The following ANK2 variants were observed in gnomAD, a reference collection of about 807,000 sequenced individuals.
ANK2 encodes ankyrin-2.
In ANK2, 83 loss-of-function variants were observed where a neutral mutation model predicts 360.5. The ratio of observed to expected loss-of-function variants is 0.23; its 90% CI spans 0.19 to 0.28. The LOEUF (loss-of-function observed/expected upper bound fraction) is 0.28, where lower values mean the gene tolerates loss of function less well. Among genes scored for constraint, ANK2 ranks in the 10% least tolerant of loss-of-function variants. The pLI is 1.00. For synonymous variants in ANK2, 1,740 were observed against 1,759.5 expected (o/e 0.99, Z 0.28); for missense variants, 4,201 against 4,795.7 (o/e 0.88, Z 3.66).
chr4:113,014,461 G>T (rs532410706), intron 2 of ANK2, among the ~76,000 whole-genome samples: 1 of 151,952 alleles, frequency 6.6e-6, no homozygotes. Flanking sequence ...CTCACCCAAG[G>T]TTGCATGACT....
At chr4:112,907,692 T>C (rs2085717759) in intron 2 of ANK2, among the ~76,000 whole-genome samples, 1 of 152,176 alleles carries the variant, frequency 6.6e-6, no homozygotes, top group Non-Finnish European at 1.5e-5. Context: ...AATAGGCAGG[T>C]TAGTATCTAC....
intron 41 of ANK2, 39 bp from the exon 42 acceptor site, chr4:113,367,527 G>A: frequency 6.3e-7 from 1 of 1,595,344 alleles, no homozygotes; most frequent in Non-Finnish European, 8.6e-7. Context: ...TTCAATATAG[G>A]TAAGCTTCAA....
chr4:113,240,710 T>C (rs1348790918), intron 8 of ANK2, 127 bp downstream of exon 8: 7 of 786,330 alleles, frequency 8.9e-6, no homozygotes, highest in South Asian at 3.2e-5. Context: ...GTGCTGGAGA[T>C]ACTAGATTTT....
chr4:113,116,110 T>C (rs1200352600), intron 1 of ANK2, among the ~76,000 whole-genome samples: 9 of 152,126 alleles, frequency 5.9e-5, no homozygotes, highest in East Asian at 3.9e-4. Context: ...ACAGCTTGTA[T>C]CCTCTTTCCT....
chr4:112,740,623 G>A, the ANK2 span, among the ~76,000 whole-genome samples: 2 of 151,960 alleles, frequency 1.3e-5, no homozygotes, highest in Non-Finnish European at 2.9e-5. Context: ...AGAATTGCTT[G>A]AACCCAGGAG....
intron 1 of ANK2, among the ~76,000 whole-genome samples, chr4:112,836,311 C>T (rs1396930168): frequency 1.3e-5 from 2 of 152,102 alleles, no homozygotes; most frequent in Non-Finnish European, 2.9e-5. Context: ...CCTGAGGCTT[C>T]CCCAGCCATA....
intron 9 of ANK2, among the ~76,000 whole-genome samples, chr4:113,245,611 G>A (rs1053083246): frequency 6.6e-5 from 10 of 152,074 alleles, no homozygotes; most frequent in Admixed American, 5.2e-4. Flanking sequence ...CACAAAAATA[G>A]CATGAGGGTA....
In ANK2 at chr4:113,229,573, G is replaced by A. The variant is rs151045104; in HGVS notation, c.385-2588G>A. ...GGGCCATCATTCTGCCTCCCAAAGG[G>A]TGTGCCTACCAATGGACACTTGAGA... is the stretch of plus-strand genomic sequence containing the variant. On this transcript the variant is annotated intron_variant, in intron 4 of 45. Transcript: ENST00000357077. 2.0e-4 allele frequency among the ~76,000 whole-genome samples: 30 copies of A among 152,286 alleles called. No homozygotes were observed. In the East Asian group the frequency reaches 5.6e-3, roughly 28 times the overall value.
At chr4:112,819,524 CT>C (rs111866514) in intron 1 of ANK2, among the ~76,000 whole-genome samples, 62 of 150,824 alleles carry the variant, frequency 4.1e-4, no homozygotes, top group African/African-American at 1.3e-3. Flanking sequence ...GAGTTTTGTC[CT>C]TTTTTTTTAG....
rs751992073 is a variant in ANK2 at position 113,288,356 on chromosome 4, A to T, written c.2179-32A>T. On this transcript the variant is annotated intron_variant, in intron 19 of 45. Transcript: ENST00000357077. ...ACTAGAGTAGTAAAGTTTCTACTTT[A>T]TCTATTTTTAACTTTTTATTATTAT... 1.9e-6 allele frequency: 3 copies of T among 1,569,336 alleles called. No homozygotes were observed. The South Asian group carries it at 3.3e-5, about 17-fold the overall frequency.
Position 113,383,282 on chromosome 4 carries a change from C to A in ANK2, c.*1811C>A, listed in dbSNP as rs1178482629. 1 of 152,590 alleles carries A rather than the reference C, an allele frequency of 6.6e-6. No individual in the cohort carries two copies. Among genetic ancestry groups the A allele is most frequent in the Non-Finnish European group, 1.5e-5 (1 of 68,044 alleles). The allele number at this position is 152,590 out of a possible 1,614,324, so 9.5% of individuals were successfully genotyped here. ...AAAAAATTTCCTGGGAGGGAGGTTTCCCACAAGCCAAATCTCCTAAGCCTC... is the reference window on the plus strand; with the variant it reads ...AAAAAATTTCCTGGGAGGGAGGTTTACCACAAGCCAAATCTCCTAAGCCTC... On this transcript the variant is annotated 3_prime_UTR_variant, in exon 46 of 46. Transcript: ENST00000357077.
chr4:113,189,142 C>G (rs1007956790), intron 2 of ANK2, among the ~76,000 whole-genome samples: 10 of 152,252 alleles, frequency 6.6e-5, no homozygotes, highest in African/African-American at 2.4e-4. Context: ...TATGATTGCT[C>G]AGAGGAGAAA....
upstream of ANK2, among the ~76,000 whole-genome samples, chr4:112,814,148 G>A (rs1342799394): frequency 6.6e-6 from 1 of 152,192 alleles, no homozygotes; most frequent in Non-Finnish European, 1.5e-5. Flanking sequence ...TCTTTGGGCA[G>A]GCAGTTATAT....
intron 1 of ANK2, among the ~76,000 whole-genome samples, chr4:113,110,865 G>A (rs942801037): frequency 1.3e-5 from 2 of 152,174 alleles, no homozygotes; most frequent in African/African-American, 4.8e-5. Context: ...GGAAACTGGA[G>A]ACCTGACACT....
At chr4:113,092,890 A>G (rs10016477) in intron 1 of ANK2, among the ~76,000 whole-genome samples, 101,154 of 151,892 alleles carry the variant, frequency 0.67, 33,796 homozygotes, top group South Asian at 0.72. Context: ...TTCAAAATCT[A>G]CTACACAGAT....
chr4:113,250,966 T>TA (rs2046019558), intron 10 of ANK2, among the ~76,000 whole-genome samples: 1 of 152,130 alleles, frequency 6.6e-6, no homozygotes, highest in African/African-American at 2.4e-5. Context: ...TTCAAATCAG[T>TA]AATATATGAA....
intron 4 of ANK2, among the ~76,000 whole-genome samples, chr4:113,207,513 A>T (rs986860268): frequency 6.6e-6 from 1 of 152,248 alleles, no homozygotes; most frequent in Non-Finnish European, 1.5e-5. Context: ...TCCCCTTCTG[A>T]GTTAAAATGA....
the ANK2 span, among the ~76,000 whole-genome samples, chr4:112,787,631 G>A: frequency 6.6e-6 from 1 of 152,160 alleles, no homozygotes; most frequent in African/African-American, 2.4e-5. Flanking sequence ...GGGTCAAGAC[G>A]CAGGCTGTGG....
At chr4:113,132,554 G>A (rs534030597) in intron 1 of ANK2, among the ~76,000 whole-genome samples, 6 of 152,154 alleles carry the variant, frequency 3.9e-5, no homozygotes, top group East Asian at 1.9e-4. Context: ...ACTGGACCCC[G>A]TGGCATGATG....
Sources: allele counts gnomAD v4.1 joint callset (sites outside exome capture counted in the v4.1 genomes callset), GRCh38; gene constraint gnomAD v4.1.1; transcripts MANE v1.5; gene names NCBI Gene and HGNC (gene_info 2026-07-23, HGNC 2026-07-21).